NKAIN3: variants seen among roughly 807,000 people sequenced by gnomAD.
NKAIN3 encodes the protein sodium/potassium-transporting ATPase subunit beta-1-interacting protein 3.
A neutral mutation model predicts 30.2 loss-of-function variants in NKAIN3; 25 were observed. The observed-to-expected ratio is 0.83, with a 90% CI of 0.60 to 1.16. The LOEUF is 1.16. NKAIN3 is among the 50% of genes most tolerant of loss of function. The pLI, the probability that NKAIN3 is intolerant of heterozygous loss-of-function variation, is 0.00. For missense variants in NKAIN3, 225 were observed against 254.1 expected (o/e 0.89, Z 0.78); for synonymous variants, 91 against 89.6 (o/e 1.02, Z -0.09).
At chr8:62,368,903 G>T (rs1329256994) in intron 1 of NKAIN3, among the ~76,000 whole-genome samples, 1 of 151,502 alleles carries the variant, frequency 6.6e-6, no homozygotes, top group Non-Finnish European at 1.5e-5. Flanking sequence ...ATTCTAGGAA[G>T]AATATTATTT....
chr8:62,306,181 C>T (rs1031800594), intron 1 of NKAIN3, among the ~76,000 whole-genome samples: 1 of 150,286 alleles, frequency 6.7e-6, no homozygotes, highest in African/African-American at 2.5e-5. Flanking sequence ...TTTACTTCCT[C>T]TTTAAGTGCA....
rs555097334 is a variant in NKAIN3 at position 62,982,490 on chromosome 8, G to A, written c.*17083G>A. On this transcript the variant is annotated 3_prime_UTR_variant, in exon 7 of 7. Coordinates refer to ENST00000623646, the MANE Select transcript of NKAIN3 (RefSeq NM_001304533.3). ...ACTATATTTTAGAGTCTTCCAAAAC[G>A]CCTCTCCTTCCAAAATGGCTAAAAG... 1.3e-5 allele frequency: 2 copies of A among 152,072 alleles called. No homozygotes were observed. Among genetic ancestry groups the A allele is most frequent in the Non-Finnish European group, 2.9e-5 (2 of 68,018 alleles). The allele number at this position is 152,072 out of a possible 1,614,324, so 9.4% of individuals were successfully genotyped here.
intron 4 of NKAIN3, among the ~76,000 whole-genome samples, chr8:62,892,983 A>G (rs1028741620): frequency 1.3e-5 from 2 of 152,180 alleles, no homozygotes; most frequent in Non-Finnish European, 2.9e-5. Context: ...TCAAAAGTGT[A>G]TATCAGTATA....
rs574946264 is a variant in NKAIN3 at position 62,863,116 on chromosome 8, T to C, written c.472-55337T>C. Reference sequence around the variant, plus strand: ...AAAAGGGTATTCCCCATCCTGCTCATTGGAAGGTGCAGCTGAGGTGATGTT... The same window carrying C: ...AAAAGGGTATTCCCCATCCTGCTCACTGGAAGGTGCAGCTGAGGTGATGTT... On this transcript the variant is annotated intron_variant, in intron 4 of 6. Transcript: ENST00000623646. 1.2e-4 allele frequency: 167 copies of C among 1,392,430 alleles called. 2 individuals carry two copies. The East Asian group carries it at 3.1e-3, about 26-fold the overall frequency. 86.3% of individuals were successfully genotyped at this position (1,392,430 alleles called of 1,614,324 possible).
intron 1 of NKAIN3, among the ~76,000 whole-genome samples, chr8:62,460,754 A>G (rs1037189278): frequency 6.6e-6 from 1 of 152,186 alleles, no homozygotes; most frequent in Non-Finnish European, 1.5e-5. Flanking sequence ...TCACTTGCAC[A>G]ACTCTCTGTA....
chr8:62,702,421 A>G (rs1479001769), intron 3 of NKAIN3, among the ~76,000 whole-genome samples: 8 of 152,216 alleles, frequency 5.3e-5, no homozygotes, highest in Admixed American at 5.2e-4. Context: ...TATGGAGATT[A>G]CGGACGTTAC....
intron 3 of NKAIN3, among the ~76,000 whole-genome samples, chr8:62,683,304 G>C (rs1197650799): frequency 6.6e-6 from 1 of 152,178 alleles, no homozygotes. Flanking sequence ...AAAGTGCTGA[G>C]ATTATAGGCA....
intron 4 of NKAIN3, among the ~76,000 whole-genome samples, chr8:62,857,337 T>C (rs1820093621): frequency 6.6e-6 from 1 of 152,204 alleles, no homozygotes; most frequent in South Asian, 2.1e-4. Flanking sequence ...GGATAATCTT[T>C]TCATGGAGTA....
intron 3 of NKAIN3, among the ~76,000 whole-genome samples, chr8:62,611,714 A>C (rs1203916116): frequency 1.3e-5 from 2 of 152,076 alleles, no homozygotes; most frequent in Admixed American, 1.3e-4. Context: ...GGTTGCTTCA[A>C]ATCTTCCCAC....
At chr8:62,848,395 A>G (rs1819757283) in intron 4 of NKAIN3, among the ~76,000 whole-genome samples, 1 of 151,958 alleles carries the variant, frequency 6.6e-6, no homozygotes, top group Non-Finnish European at 1.5e-5. Context: ...TTCTCTTGTT[A>G]GCTGTTTTCC....
intron 3 of NKAIN3, among the ~76,000 whole-genome samples, chr8:62,626,919 G>A (rs1020357445): frequency 6.6e-6 from 1 of 152,064 alleles, no homozygotes; most frequent in African/African-American, 2.4e-5. Flanking sequence ...TGAAATACAG[G>A]GGAATTTAGC....
chr8:62,864,108 G>A, intron 4 of NKAIN3: 1 of 631,334 alleles, frequency 1.6e-6, no homozygotes, highest in South Asian at 1.9e-5. Flanking sequence ...GGGGCTACAG[G>A]GGCTTCGCGG....
At chr8:62,440,587 T>G (rs143734024) in intron 1 of NKAIN3, among the ~76,000 whole-genome samples, 39 of 152,282 alleles carry the variant, frequency 2.6e-4, no homozygotes, top group Admixed American at 7.2e-4. Flanking sequence ...CTGCGACCTG[T>G]GTACATGTTG....
chr8:62,387,335 A>T (rs1046470344), intron 1 of NKAIN3, among the ~76,000 whole-genome samples: 1 of 140,692 alleles, frequency 7.1e-6, no homozygotes, highest in Non-Finnish European at 1.6e-5. Context: ...AGAGCTAATA[A>T]AATAAAAATG....
At chr8:62,551,930 A>G (rs1809228009) in intron 1 of NKAIN3, among the ~76,000 whole-genome samples, 1 of 152,142 alleles carries the variant, frequency 6.6e-6, no homozygotes, top group African/African-American at 2.4e-5. Flanking sequence ...CTTTGATCAC[A>G]TTTCTTGGCA....
At chr8:62,867,105 A>G (rs1390976259) in intron 4 of NKAIN3, among the ~76,000 whole-genome samples, 3 of 151,876 alleles carry the variant, frequency 2.0e-5, no homozygotes, top group African/African-American at 7.2e-5. Context: ...TCCAGAAAAA[A>G]AAAAAAAAAA....
chr8:62,744,566 A>G (rs1278753336), intron 3 of NKAIN3, among the ~76,000 whole-genome samples: 1 of 152,222 alleles, frequency 6.6e-6, no homozygotes, highest in African/African-American at 2.4e-5. Context: ...ATGCTAGTTC[A>G]TCTCGAACCT....
At position 62,810,643 on chromosome 8, in the gene NKAIN3, T is replaced by TTG. The variant is rs200595404; in HGVS notation, c.471+63515_471+63516insGT. ...TGTAAGTATGTAGGTAGAAAGTTTTTTTTTTTTTTTTTGCTTTCTTTTTTC... is the reference window on the plus strand; with the variant it reads ...TGTAAGTATGTAGGTAGAAAGTTTTTTGTTTTTTTTTTTTGCTTTCTTTTTTC... On this transcript the variant is annotated intron_variant, in intron 4 of 6. Coordinates refer to ENST00000623646, the MANE Select transcript of NKAIN3 (RefSeq NM_001304533.3). Among the ~76,000 whole-genome samples, 77 of 151,420 alleles carry TTG rather than the reference T, an allele frequency of 5.1e-4. 1 individual carries two copies. In the East Asian group the frequency reaches 0.012, roughly 25 times the overall value.
chr8:62,899,939 A>T (rs1821552006), intron 4 of NKAIN3, among the ~76,000 whole-genome samples: 1 of 152,018 alleles, frequency 6.6e-6, no homozygotes, highest in African/African-American at 2.4e-5. Context: ...TACACTACTC[A>T]GGTGACAGGT....
Sources: allele counts gnomAD v4.1 joint callset (sites outside exome capture counted in the v4.1 genomes callset), GRCh38; gene constraint gnomAD v4.1.1; transcripts MANE v1.5; gene names NCBI Gene and HGNC (gene_info 2026-07-23, HGNC 2026-07-21).